The following CLSTN2 variants were observed in gnomAD, a reference collection of about 807,000 sequenced individuals.
CLSTN2 encodes the protein calsyntenin-2.
A neutral mutation model predicts 101.2 loss-of-function variants in CLSTN2; 48 were observed. That is an observed-to-expected ratio of 0.47 (90% confidence interval 0.38 to 0.60). CLSTN2 has a LOEUF of 0.60. CLSTN2 is among the 20% of genes least tolerant of loss of function. CLSTN2 has a pLI of 0.00. For missense variants in CLSTN2, 1,160 were observed against 1,238.2 expected, an observed-to-expected ratio of 0.94 and a Z score of 0.95; for synonymous variants, 481 against 463.6, an observed-to-expected ratio of 1.04 and a Z score of -0.48.
chr3:140,373,165 T>C (rs527401117), intron 2 of CLSTN2, among the ~76,000 whole-genome samples: 3 of 152,348 alleles, frequency 2.0e-5, no homozygotes, highest in Non-Finnish European at 4.4e-5. Flanking sequence ...TCCAAAGATA[T>C]GTAGCTATGA....
At chr3:140,347,396 C>G (rs1239438761) in intron 2 of CLSTN2, among the ~76,000 whole-genome samples, 1 of 152,176 alleles carries the variant, frequency 6.6e-6, no homozygotes, top group East Asian at 1.9e-4. Flanking sequence ...AGGAGGTGCT[C>G]CAGAGCCCAC....
chr3:140,037,007 G>A (rs1328941984), intron 1 of CLSTN2, among the ~76,000 whole-genome samples: 1 of 152,078 alleles, frequency 6.6e-6, no homozygotes, highest in Non-Finnish European at 1.5e-5. Flanking sequence ...GTCTGCATTT[G>A]GAGTATAATT....
chr3:140,250,098 G>C (rs1329554870), intron 2 of CLSTN2, among the ~76,000 whole-genome samples: 2 of 152,152 alleles, frequency 1.3e-5, no homozygotes, highest in Non-Finnish European at 2.9e-5. Flanking sequence ...AGAATAACTT[G>C]TTTTTTGGAG....
At chr3:140,380,608 C>A (rs1437954301) in intron 2 of CLSTN2, among the ~76,000 whole-genome samples, 2 of 152,170 alleles carry the variant, frequency 1.3e-5, no homozygotes, top group Non-Finnish European at 2.9e-5. Flanking sequence ...TCCAAAACAC[C>A]TTTCTTACTG....
At chr3:140,360,774 A>G (rs1341591981) in intron 2 of CLSTN2, among the ~76,000 whole-genome samples, 1 of 152,064 alleles carries the variant, frequency 6.6e-6, no homozygotes. Context: ...AAAGTCGAAG[A>G]AAAAAAACCC....
At chr3:140,129,491 A>G (rs2009489485) in intron 1 of CLSTN2, among the ~76,000 whole-genome samples, 1 of 152,204 alleles carries the variant, frequency 6.6e-6, no homozygotes, top group African/African-American at 2.4e-5. Context: ...AAGGATTATA[A>G]ATACCCCATA....
intron 6 of CLSTN2, among the ~76,000 whole-genome samples, chr3:140,451,422 T>C (rs910439690): frequency 6.6e-6 from 1 of 152,200 alleles, no homozygotes; most frequent in African/African-American, 2.4e-5. Flanking sequence ...GTGGACTTAT[T>C]TGGAGTTGGG....
At chr3:140,463,671 G>A (rs1039378842) in intron 7 of CLSTN2, among the ~76,000 whole-genome samples, 1 of 152,118 alleles carries the variant, frequency 6.6e-6, no homozygotes, top group Non-Finnish European at 1.5e-5. Flanking sequence ...TGCCCAGGGT[G>A]TCTGAATGCA....
At chr3:140,522,301 C>T (rs1262772340) in intron 8 of CLSTN2, among the ~76,000 whole-genome samples, 3 of 152,224 alleles carry the variant, frequency 2.0e-5, no homozygotes, top group African/African-American at 7.2e-5. Context: ...GTGAGTGCCA[C>T]AGACCGCAGC....
chr3:140,472,356 G>T (rs1441573630), intron 8 of CLSTN2, among the ~76,000 whole-genome samples: 4 of 152,176 alleles, frequency 2.6e-5, no homozygotes, highest in Non-Finnish European at 5.9e-5. Flanking sequence ...TCTTGGTGAG[G>T]AAAGTGTGTT....
chr3:140,348,539 G>A (rs2087573267), intron 2 of CLSTN2, among the ~76,000 whole-genome samples: 1 of 152,124 alleles, frequency 6.6e-6, no homozygotes, highest in Non-Finnish European at 1.5e-5. Context: ...TCTGCTATTA[G>A]TCACATACAT....
chr3:140,349,680 C>A (rs1180193701), intron 2 of CLSTN2, among the ~76,000 whole-genome samples: 2 of 152,186 alleles, frequency 1.3e-5, no homozygotes. Context: ...TTTGAAAGTT[C>A]AGGTGCTTGA....
At chr3:140,122,766 G>C (rs2009364209) in intron 1 of CLSTN2, among the ~76,000 whole-genome samples, 1 of 152,186 alleles carries the variant, frequency 6.6e-6, no homozygotes, top group African/African-American at 2.4e-5. Context: ...AACTTGATCT[G>C]TAAAGGGTCA....
chr3:139,966,076 G>C (rs1019761640), intron 1 of CLSTN2, among the ~76,000 whole-genome samples: 1 of 152,142 alleles, frequency 6.6e-6, no homozygotes, highest in Admixed American at 6.5e-5. Context: ...GGTGCTCTGG[G>C]TTCTGACTTA....
At chr3:140,360,027 CATAT>C (rs58715111) in intron 2 of CLSTN2, among the ~76,000 whole-genome samples, 1 of 145,400 alleles carries the variant, frequency 6.9e-6, no homozygotes, top group East Asian at 2.0e-4. Flanking sequence ...CACACACACA[CATAT>C]ATATATATAG....
chr3:140,091,710 C>G (rs1375541033), intron 1 of CLSTN2, among the ~76,000 whole-genome samples: 3 of 152,184 alleles, frequency 2.0e-5, no homozygotes, highest in African/African-American at 7.2e-5. Context: ...GGGCCAAACA[C>G]AAAGCCTCAA....
chr3:140,512,823 C>T (rs1324664474), intron 8 of CLSTN2, among the ~76,000 whole-genome samples: 4 of 152,074 alleles, frequency 2.6e-5, no homozygotes, highest in South Asian at 2.1e-4. Flanking sequence ...TGAAGAGGTC[C>T]TTCAGTTCCC....
chr3:140,085,367 C>T (rs1054429103), intron 1 of CLSTN2, among the ~76,000 whole-genome samples: 6 of 152,184 alleles, frequency 3.9e-5, no homozygotes, highest in East Asian at 3.9e-4. Flanking sequence ...TTTAGACCCG[C>T]TTACTTTCCT....
chr3:140,563,034 C>T, intron 14 of CLSTN2, 46 bp from the exon 15 acceptor site: 1 of 1,611,952 alleles, frequency 6.2e-7, no homozygotes, highest in Non-Finnish European at 8.5e-7. Flanking sequence ...GTAACTGGCC[C>T]ACCTGCCACT....
Sources: allele counts gnomAD v4.1 joint callset (sites outside exome capture counted in the v4.1 genomes callset), GRCh38; gene constraint gnomAD v4.1.1; transcripts MANE v1.5; gene names NCBI Gene and HGNC (gene_info 2026-07-23, HGNC 2026-07-21).